The following PEX14 variants were observed in gnomAD, a reference collection of about 807,000 sequenced individuals.
PEX14 encodes peroxisomal biogenesis factor 14, also known as peroxisomal membrane protein PEX14.
Under a neutral mutation model 49.5 loss-of-function variants are expected in PEX14, and 15 were observed. The ratio of observed to expected loss-of-function variants is 0.30; its 90% CI spans 0.20 to 0.47. The LOEUF is 0.47. Ranked by LOEUF, PEX14 falls within the 20% of genes least tolerant of loss-of-function variation. The pLI, the probability that PEX14 is intolerant of heterozygous loss-of-function variation, is 1.00. For synonymous variants in PEX14, 210 were observed against 212.7 expected (o/e 0.99, Z 0.11); for missense variants, 398 against 494.8 (o/e 0.80, Z 1.86).
chr1:10,629,951 G>T lies in PEX14; in HGVS notation c.1098G>T (p.Arg366=), dbSNP rs139610784. 84 of 1,611,120 alleles carry T rather than the reference G, an allele frequency of 5.2e-5. No homozygotes were observed. In the African/African-American group the frequency reaches 9.9e-4, roughly 19 times the overall value. ...QINEQVEKLR[R]PEGASNESER... ...ACGAGCAGGTGGAGAAGCTGCGGCG[G>T]CCCGAGGGCGCCAGCAACGAGAGTG... Residue 366 remains arginine (R), a synonymous_variant, in exon 9 of 9, where the codon CGG becomes CGT. Coordinates refer to ENST00000356607, the MANE Select transcript of PEX14 (RefSeq NM_004565.3). This position sits in a 1 kb window ranked among gnomAD's most constrained non-coding sequence, Gnocchi z 8.5.
chr1:10,605,786 G>T (rs1386511517), intron 4 of PEX14, among the ~76,000 whole-genome samples: 1 of 152,168 alleles, frequency 6.6e-6, no homozygotes, highest in Non-Finnish European at 1.5e-5. Context: ...CTACCTGAAA[G>T]TTACTGGTTT....
chr1:10,480,183 G>T (rs116387815), intron 1 of PEX14, among the ~76,000 whole-genome samples: 6,162 of 146,754 alleles, frequency 0.042, 443 homozygotes, highest in African/African-American at 0.15. Flanking sequence ...GTCAGACAAG[G>T]TATTTGCCCT....
chr1:10,555,017 T>TC (rs1639445279), intron 3 of PEX14, among the ~76,000 whole-genome samples: 1 of 152,140 alleles, frequency 6.6e-6, no homozygotes, highest in South Asian at 2.1e-4. Context: ...TGTCCAGCCT[T>TC]CCCGTGGAAA....
chr1:10,568,656 AT>A (rs1639884160), intron 3 of PEX14, among the ~76,000 whole-genome samples: 1 of 152,086 alleles, frequency 6.6e-6, no homozygotes, highest in South Asian at 2.1e-4. Flanking sequence ...GAGATGATGA[AT>A]TTGTTCATGC....
At chr1:10,493,855 G>A (rs527553423) in intron 1 of PEX14, among the ~76,000 whole-genome samples, 251 of 152,194 alleles carry the variant, frequency 1.6e-3, no homozygotes, top group Non-Finnish European at 2.8e-3. Flanking sequence ...ATGCCAAGAG[G>A]GAATGCTGGA....
rs1046927572 is a variant in PEX14 at position 10,629,367 on chromosome 1, C to T, written c.678-164C>T. 6.6e-6 allele frequency among the ~76,000 whole-genome samples: 1 copy of T among 152,216 alleles called. No homozygotes were observed. The highest frequency in any genetic ancestry group is 2.4e-5 in the African/African-American group (1 of 41,460). ...ATCTATCTCAGCTGTAGGATCTTTG[C>T]TCCTGAAAGGAGGGGTGGAAGGGCT... On this transcript the variant is annotated intron_variant, in intron 8 of 8. Coordinates refer to ENST00000356607, the MANE Select transcript of PEX14 (RefSeq NM_004565.3). The surrounding 1 kb of genome is among the most constrained non-coding windows in gnomAD (Gnocchi z 8.5).
chr1:10,500,569 T>C (rs1486422585), intron 2 of PEX14, among the ~76,000 whole-genome samples: 3 of 152,098 alleles, frequency 2.0e-5, no homozygotes, highest in Non-Finnish European at 4.4e-5. Context: ...TCATTTTTTT[T>C]CCCACCAAAA....
intron 1 of PEX14, among the ~76,000 whole-genome samples, chr1:10,483,707 G>A (rs1208911640): frequency 6.6e-6 from 1 of 151,706 alleles, no homozygotes; most frequent in Non-Finnish European, 1.5e-5. Context: ...TAATAGGTGT[G>A]TTGTGATCAG....
At chr1:10,486,769 C>T (rs768413814) in intron 1 of PEX14, among the ~76,000 whole-genome samples, 10 of 149,958 alleles carry the variant, frequency 6.7e-5, no homozygotes, top group Admixed American at 2.0e-4. Flanking sequence ...CTCACTGCAA[C>T]CTCCGCCTCC....
chr1:10,534,731 CA>C (rs1270934331), intron 2 of PEX14, among the ~76,000 whole-genome samples: 1 of 152,092 alleles, frequency 6.6e-6, no homozygotes, highest in Non-Finnish European at 1.5e-5. Context: ...GCTTGGCTGT[CA>C]AGGGACACTA....
At position 10,630,083 on chromosome 1, in the gene PEX14, G is replaced by A; in HGVS notation, c.*96G>A. The A allele has an allele frequency of 6.4e-7, 1 of 1,563,976 alleles. No individual in the cohort carries two copies. ...CTCTCTGGCCCTGGGAGGGCAGCTTGGAGCCCAGGTAGGGGGCAGAGCTGT... is the reference window on the plus strand; with the variant it reads ...CTCTCTGGCCCTGGGAGGGCAGCTTAGAGCCCAGGTAGGGGGCAGAGCTGT... On this transcript the variant is annotated 3_prime_UTR_variant, in exon 9 of 9. Transcript: ENST00000356607. The surrounding 1 kb of genome is among the most constrained non-coding windows in gnomAD (Gnocchi z 4.1).
rs551369275 is a variant in PEX14, at chr1:10,514,430, T to G, written c.84+19109T>G. ...TGTGCACGTGTGTAACAATATACAG[T>G]GTTTGTTCAATGTCCTGGCAGGAAA... On this transcript the variant is annotated intron_variant, in intron 2 of 8. Coordinates refer to ENST00000356607, the MANE Select transcript of PEX14 (RefSeq NM_004565.3). The surrounding 1 kb of genome is among the most constrained non-coding windows in gnomAD (Gnocchi z 4.4). Among the ~76,000 whole-genome samples, 81 of 152,286 alleles carry G rather than the reference T, an allele frequency of 5.3e-4. 1 individual carries two copies. The highest frequency in any genetic ancestry group is 1.6e-3 in the Admixed American group (25 of 15,300).
intron 2 of PEX14, among the ~76,000 whole-genome samples, chr1:10,526,548 C>T (rs1002141462): frequency 6.6e-6 from 1 of 152,106 alleles, no homozygotes; most frequent in African/African-American, 2.4e-5. Context: ...GGAACCCATA[C>T]TTTAGTTTTT....
At position 10,630,268 on chromosome 1, in the gene PEX14, GCCCAAGCCCCT is replaced by G; in HGVS notation, c.*285_*295del. 1.8e-6 allele frequency: 1 copy of G among 561,268 alleles called. No individual in the cohort carries two copies. The highest frequency in any genetic ancestry group is 3.1e-5 in the Admixed American group (1 of 32,472). The allele number at this position is 561,268 out of a possible 1,614,324, so 34.8% of individuals were successfully genotyped here. ...AGGCTGAAGGCAGCGAAGCCTCGGG[GCCCAAGCCCCT>G]CCCCAGCCCCCTCTCCCGGACAGAC... On this transcript the variant is annotated 3_prime_UTR_variant, in exon 9 of 9. Transcript: ENST00000356607. This position sits in a 1 kb window ranked among gnomAD's most constrained non-coding sequence, Gnocchi z 4.1.
intron 3 of PEX14, among the ~76,000 whole-genome samples, chr1:10,580,967 T>G (rs1449837494): frequency 6.6e-6 from 1 of 152,170 alleles, no homozygotes; most frequent in African/African-American, 2.4e-5. Flanking sequence ...GATTAAAACA[T>G]AAGCCACCTT....
intron 3 of PEX14, among the ~76,000 whole-genome samples, chr1:10,585,543 T>G (rs976745766): frequency 2.1e-4 from 32 of 152,268 alleles, no homozygotes; most frequent in African/African-American, 7.5e-4. Flanking sequence ...AAGGATTAAA[T>G]GTCAAGTGAT....
At chr1:10,482,515 C>T (rs1308250483) in intron 1 of PEX14, among the ~76,000 whole-genome samples, 1 of 151,008 alleles carries the variant, frequency 6.6e-6, no homozygotes, top group East Asian at 1.9e-4. Flanking sequence ...CTCACTGCAA[C>T]CTCCGTCTCC....
Position 10,629,436 on chromosome 1 carries a change from A to G in PEX14, c.678-95A>G. 1 of 835,836 alleles carries G rather than the reference A, an allele frequency of 1.2e-6. No homozygotes were observed. Among genetic ancestry groups the G allele is most frequent in the Non-Finnish European group, 2.0e-6 (1 of 494,166 alleles). The allele number at this position is 835,836 out of a possible 1,614,324, so 51.8% of individuals were successfully genotyped here. On this transcript the variant is annotated intron_variant, in intron 8 of 8. Transcript: ENST00000356607. This position sits in a 1 kb window ranked among gnomAD's most constrained non-coding sequence, Gnocchi z 8.5. Reference sequence around the variant, plus strand: ...AGTGTCCCTGGGGGAGCAGCTCACCATCGCCGAGCCCTTGCGGGTCAGGGA... The same window carrying G: ...AGTGTCCCTGGGGGAGCAGCTCACCGTCGCCGAGCCCTTGCGGGTCAGGGA...
intron 3 of PEX14, 196 bp downstream of exon 3, chr1:10,536,493 C>T (rs1365826189): frequency 1.6e-5 from 10 of 606,188 alleles, no homozygotes; most frequent in African/African-American, 9.3e-5. Flanking sequence ...CAAGATGACA[C>T]GATTCGGGTA....
Sources: gnomAD v4.1 joint callset for allele counts (sites outside exome capture counted in the v4.1 genomes callset) on GRCh38, gnomAD v4.1.1 for gene constraint, Gnocchi (gnomAD v3.1) non-coding constraint, MANE v1.5 for transcripts, NCBI Gene and HGNC (gene_info 2026-07-23, HGNC 2026-07-21) for gene names.